FOXP1: variants seen among roughly 807,000 people sequenced by gnomAD.
FOXP1 encodes forkhead box P1.
In FOXP1, 15 loss-of-function variants were observed where a neutral mutation model predicts 98.2. The observed-to-expected ratio is 0.15, with a 90% confidence interval of 0.10 to 0.24. The LOEUF (loss-of-function observed/expected upper bound fraction) is 0.24, where lower values mean the gene tolerates loss of function less well. FOXP1 is among the 10% of genes least tolerant of loss of function. The probability of loss-of-function intolerance (pLI) is 1.00; values close to 1 mark genes in which losing one functional copy is unlikely to be tolerated. For synonymous variants in FOXP1, 371 were observed against 314.5 expected, an observed-to-expected ratio of 1.18 and a Z score of -1.90; for missense variants, 633 against 848.5, an observed-to-expected ratio of 0.75 and a Z score of 3.15.
chr3:71,127,246 G>A (rs1232787470), intron 6 of FOXP1, among the ~76,000 whole-genome samples: 5 of 151,934 alleles, frequency 3.3e-5, no homozygotes, highest in Non-Finnish European at 7.4e-5. Flanking sequence ...TTAACAGCAG[G>A]TTTCAATTCT....
chr3:71,313,265 T>G (rs1020212475), intron 4 of FOXP1, among the ~76,000 whole-genome samples: 10 of 151,788 alleles, frequency 6.6e-5, no homozygotes, highest in African/African-American at 2.4e-4. Context: ...TTCACTGTGT[T>G]AGCCAGGATG....
At chr3:71,085,735 CT>C (rs56318177) in intron 7 of FOXP1, among the ~76,000 whole-genome samples, 826 of 37,042 alleles carry the variant, frequency 0.022, 196 homozygotes, top group Non-Finnish European at 0.033. Flanking sequence ...CATTTATGGC[CT>C]TTTTTTTTTT....
At position 71,007,021 on chromosome 3, in the gene FOXP1, G is replaced by A. The variant is rs539378139; in HGVS notation, c.975-5962C>T. On this transcript the variant is annotated intron_variant, in intron 12 of 20. Coordinates refer to ENST00000649528, the MANE Select transcript of FOXP1 (RefSeq NM_001349338.3). ...CTATATATCACTAGAGGGCACTGTG[G>A]TATTTAGGCCACTTTGACCTCTTCG... is the stretch of plus-strand genomic sequence containing the variant. Among the ~76,000 whole-genome samples the A allele has an allele frequency of 1.2e-4, 19 of 152,154 alleles. No homozygotes were observed. The South Asian group carries it at 3.9e-3, about 32-fold the overall frequency.
intron 7 of FOXP1, among the ~76,000 whole-genome samples, chr3:71,110,853 A>G (rs2057859657): frequency 6.6e-6 from 1 of 152,220 alleles, no homozygotes; most frequent in East Asian, 1.9e-4. Flanking sequence ...AGCACCTGAC[A>G]TGGGCCCTCA....
chr3:71,118,087 T>G (rs2058506372), intron 6 of FOXP1, among the ~76,000 whole-genome samples: 1 of 152,196 alleles, frequency 6.6e-6, no homozygotes, highest in Admixed American at 6.5e-5. Flanking sequence ...GAGTTGGAAC[T>G]GCCCGATGGC....
chr3:71,182,837 G>A (rs184906690), intron 6 of FOXP1, among the ~76,000 whole-genome samples: 48 of 152,036 alleles, frequency 3.2e-4, no homozygotes, highest in Admixed American at 3.1e-3. Context: ...GAGCCGCCAT[G>A]CCTGGCTTAA....
At chr3:71,036,654 C>T (rs531399654) in intron 11 of FOXP1, among the ~76,000 whole-genome samples, 44 of 152,232 alleles carry the variant, frequency 2.9e-4, no homozygotes, top group Admixed American at 2.3e-3. Context: ...AGTGGGGATA[C>T]GTTATTTTGG....
intron 6 of FOXP1, among the ~76,000 whole-genome samples, chr3:71,141,122 G>A (rs2060046741): frequency 6.6e-6 from 1 of 151,854 alleles, no homozygotes; most frequent in Non-Finnish European, 1.5e-5. Context: ...CAAAAAATTA[G>A]CCAGGCGTGG....
chr3:71,479,990 G>A (rs2090146292), intron 3 of FOXP1, among the ~76,000 whole-genome samples: 1 of 152,170 alleles, frequency 6.6e-6, no homozygotes, highest in African/African-American at 2.4e-5. Flanking sequence ...GAGGTCAGGA[G>A]TTCGACACCA....
chr3:70,971,076 T>C, intron 18 of FOXP1: 2 of 433,768 alleles, frequency 4.6e-6, no homozygotes, highest in Non-Finnish European at 8.6e-6. Flanking sequence ...CAGAGACCTC[T>C]CTGCAGATTT....
chr3:71,353,666 AC>A (rs1226002394), intron 4 of FOXP1, among the ~76,000 whole-genome samples: 1 of 152,104 alleles, frequency 6.6e-6, no homozygotes, highest in Non-Finnish European at 1.5e-5. Context: ...TTCCTAGATA[AC>A]CCTAGTTACT....
chr3:71,108,278 A>C (rs1434436240), intron 7 of FOXP1, among the ~76,000 whole-genome samples: 1 of 152,234 alleles, frequency 6.6e-6, no homozygotes, highest in Non-Finnish European at 1.5e-5. Context: ...TAAAATGCTT[A>C]AAGAACCAAG....
In FOXP1 at chr3:71,347,050, C is replaced by G. The variant is rs141966047; in HGVS notation, c.-73+12100G>C. On this transcript the variant is annotated intron_variant, in intron 4 of 20. Coordinates refer to ENST00000649528, the MANE Select transcript of FOXP1 (RefSeq NM_001349338.3). ...ACTCCATCTCAAAAAAATTAATGTT[C>G]TAATGGGTTGAAAGCTTTACCTCAC... Among the ~76,000 whole-genome samples the G allele has an allele frequency of 2.8e-3, 430 of 152,246 alleles. 4 individuals are homozygous for G. The highest frequency in any genetic ancestry group is 0.018 in the South Asian group (85 of 4,820).
intron 2 of FOXP1, among the ~76,000 whole-genome samples, chr3:71,550,030 T>C (rs2045656595): frequency 6.6e-6 from 1 of 152,200 alleles, no homozygotes; most frequent in Non-Finnish European, 1.5e-5. Flanking sequence ...TCAGACAAGT[T>C]CATTGTATAA....
chr3:71,293,461 C>G (rs539196752), intron 5 of FOXP1, among the ~76,000 whole-genome samples: 1 of 150,832 alleles, frequency 6.6e-6, no homozygotes, highest in South Asian at 2.1e-4. Flanking sequence ...CTGGGCAACA[C>G]AGCCAGACCC....
chr3:71,530,541 G>A (rs2043756816), intron 2 of FOXP1, among the ~76,000 whole-genome samples: 1 of 152,212 alleles, frequency 6.6e-6, no homozygotes, highest in Admixed American at 6.5e-5. Context: ...GACCGTAAGT[G>A]TTCTGTATGG....
chr3:70,970,721 G>T lies in FOXP1; in HGVS notation c.1722+15C>A. The T allele has an allele frequency of 1.9e-6, 3 of 1,606,182 alleles. No homozygotes were observed. The highest frequency in any genetic ancestry group is 2.6e-6 in the Non-Finnish European group (3 of 1,172,836). On this transcript the variant is annotated intron_variant, in intron 19 of 20. Transcript: ENST00000649528. ...TGTGCCTCTGCTGCATATTCGGGACGGCCGTTAATCTTACCTGTAAAGCTG... is the reference window on the plus strand; with the variant it reads ...TGTGCCTCTGCTGCATATTCGGGACTGCCGTTAATCTTACCTGTAAAGCTG...
At chr3:70,992,087 T>C (rs1485773233) in intron 13 of FOXP1, among the ~76,000 whole-genome samples, 1 of 152,188 alleles carries the variant, frequency 6.6e-6, no homozygotes, top group Non-Finnish European at 1.5e-5. Context: ...TCCCATACAA[T>C]GATGATCTCC....
At chr3:71,087,567 A>G (rs2055274410) in intron 7 of FOXP1, among the ~76,000 whole-genome samples, 1 of 152,218 alleles carries the variant, frequency 6.6e-6, no homozygotes, top group Admixed American at 6.5e-5. Flanking sequence ...AAGGCTTAAG[A>G]GTGTCTTTCT....
Sources: allele counts gnomAD v4.1 joint callset (sites outside exome capture counted in the v4.1 genomes callset), GRCh38; gene constraint gnomAD v4.1.1; transcripts MANE v1.5; gene names NCBI Gene and HGNC (gene_info 2026-07-23, HGNC 2026-07-21).